The following ADGRB3 variants were observed in gnomAD, a reference collection of about 807,000 sequenced individuals.
ADGRB3 encodes the protein adhesion G protein-coupled receptor B3, also known as brain-specific angiogenesis inhibitor 3.
Under a neutral mutation model 193.4 loss-of-function variants are expected in ADGRB3, and 37 were observed. The observed-to-expected ratio is 0.19, with a 90% CI of 0.15 to 0.25. The LOEUF is 0.25. Among genes scored for constraint, ADGRB3 ranks in the 10% least tolerant of loss-of-function variants. The pLI is 1.00. For missense variants in ADGRB3, 1,637 were observed against 1,852.9 expected, an observed-to-expected ratio of 0.88 and a Z score of 2.14; for synonymous variants, 690 against 644.2, an observed-to-expected ratio of 1.07 and a Z score of -1.08.
chr6:68,668,010 C>A (rs986901187), intron 3 of ADGRB3, among the ~76,000 whole-genome samples: 5 of 151,818 alleles, frequency 3.3e-5, no homozygotes, highest in Admixed American at 3.3e-4. Flanking sequence ...GCCACATAAC[C>A]TTGTGAAACT....
intron 3 of ADGRB3, among the ~76,000 whole-genome samples, chr6:68,921,096 C>T (rs1000193468): frequency 2.0e-5 from 3 of 151,664 alleles, no homozygotes; most frequent in Non-Finnish European, 4.4e-5. Flanking sequence ...TAGGAAAAGG[C>T]AAAAAATAAA....
intron 3 of ADGRB3, among the ~76,000 whole-genome samples, chr6:68,854,827 C>A (rs1332963478): frequency 2.0e-5 from 3 of 152,206 alleles, no homozygotes; most frequent in African/African-American, 7.2e-5. Context: ...CACAGTCTAT[C>A]CACCTTGGAC....
At chr6:68,820,893 C>A (rs958577544) in intron 3 of ADGRB3, among the ~76,000 whole-genome samples, 1 of 151,970 alleles carries the variant, frequency 6.6e-6, no homozygotes, top group Non-Finnish European at 1.5e-5. Context: ...CTGGTCTAGA[C>A]AAAGAGACAG....
At chr6:68,864,980 G>A (rs778446242) in intron 3 of ADGRB3, among the ~76,000 whole-genome samples, 16 of 152,176 alleles carry the variant, frequency 1.1e-4, no homozygotes, top group South Asian at 2.1e-4. Flanking sequence ...TTAAATTCTC[G>A]TTGTTTTGAC....
chr6:68,889,570 T>G (rs145817007), intron 3 of ADGRB3, among the ~76,000 whole-genome samples: 2,526 of 151,586 alleles, frequency 0.017, 61 homozygotes, highest in African/African-American at 0.058. Context: ...TGGTGCAATC[T>G]CAGCTCACTG....
At chr6:68,950,884 G>A (rs1196503136) in intron 6 of ADGRB3, among the ~76,000 whole-genome samples, 1 of 152,074 alleles carries the variant, frequency 6.6e-6, no homozygotes, top group Non-Finnish European at 1.5e-5. Flanking sequence ...ACAATATTAG[G>A]TTTTAAAATG....
At chr6:69,242,356 A>C (rs892064422) in intron 20 of ADGRB3, among the ~76,000 whole-genome samples, 1 of 151,828 alleles carries the variant, frequency 6.6e-6, no homozygotes, top group Non-Finnish European at 1.5e-5. Flanking sequence ...TTCCCTGATA[A>C]GTTTTAATTG....
chr6:68,666,534 A>G (rs1768805403), intron 3 of ADGRB3, among the ~76,000 whole-genome samples: 2 of 151,824 alleles, frequency 1.3e-5, no homozygotes, highest in African/African-American at 4.8e-5. Flanking sequence ...TTGACACGCA[A>G]GTTAGTCATA....
intron 20 of ADGRB3, among the ~76,000 whole-genome samples, chr6:69,309,878 G>A (rs1017578805): frequency 6.6e-6 from 1 of 151,656 alleles, no homozygotes; most frequent in South Asian, 2.1e-4. Flanking sequence ...GGGGTGAGAA[G>A]AATAATTTTC....
At chr6:68,651,805 G>A (rs1768372617) in intron 3 of ADGRB3, among the ~76,000 whole-genome samples, 1 of 152,078 alleles carries the variant, frequency 6.6e-6, no homozygotes, top group African/African-American at 2.4e-5. Flanking sequence ...TATATTGGTA[G>A]GAGAGGCAAC....
chr6:68,740,087 A>G (rs1207556698), intron 3 of ADGRB3, among the ~76,000 whole-genome samples: 1 of 152,180 alleles, frequency 6.6e-6, no homozygotes, highest in Admixed American at 6.5e-5. Flanking sequence ...CAGTTATTTT[A>G]TACTTGATTA....
At chr6:68,722,418 G>A (rs1044555526) in intron 3 of ADGRB3, among the ~76,000 whole-genome samples, 3 of 151,622 alleles carry the variant, frequency 2.0e-5, no homozygotes, top group Admixed American at 1.3e-4. Context: ...CATGGCACGT[G>A]TACGTCTATG....
chr6:69,067,289 T>A (rs1182232374), intron 16 of ADGRB3, among the ~76,000 whole-genome samples: 1 of 152,160 alleles, frequency 6.6e-6, no homozygotes, highest in Non-Finnish European at 1.5e-5. Flanking sequence ...TTGTAGGTTT[T>A]GTTTTCTTTG....
chr6:69,255,840 A>G (rs1234447390), intron 20 of ADGRB3, among the ~76,000 whole-genome samples: 1 of 152,130 alleles, frequency 6.6e-6, no homozygotes, highest in East Asian at 1.9e-4. Flanking sequence ...TTTTAGGTCT[A>G]ATGTTTAAGT....
chr6:68,709,033 C>G (rs549348917), intron 3 of ADGRB3, among the ~76,000 whole-genome samples: 1 of 152,006 alleles, frequency 6.6e-6, no homozygotes, highest in Non-Finnish European at 1.5e-5. Context: ...GTTTAAAATG[C>G]GGGTTGTTCT....
chr6:68,964,406 G>A (rs1211910354), intron 8 of ADGRB3, among the ~76,000 whole-genome samples: 1 of 152,090 alleles, frequency 6.6e-6, no homozygotes, highest in African/African-American at 2.4e-5. Context: ...GTGGCTAGTG[G>A]TCTCCAGTCT....
At chr6:69,229,254 C>T (rs1415177218) in intron 17 of ADGRB3, among the ~76,000 whole-genome samples, 2 of 152,080 alleles carry the variant, frequency 1.3e-5, no homozygotes, top group African/African-American at 2.4e-5. Context: ...ACTAAAAATC[C>T]TTCTATATTA....
At chr6:68,712,521 TA>T (rs1765422773) in intron 3 of ADGRB3, among the ~76,000 whole-genome samples, 1 of 151,706 alleles carries the variant, frequency 6.6e-6, no homozygotes, top group Non-Finnish European at 1.5e-5. Context: ...GAAGGAGAAA[TA>T]ATGTATGAGT....
intron 3 of ADGRB3, among the ~76,000 whole-genome samples, chr6:68,881,366 C>T (rs1395374199): frequency 3.3e-5 from 5 of 152,050 alleles, no homozygotes; most frequent in Non-Finnish European, 1.5e-5. Flanking sequence ...TCAATATATG[C>T]CTTTTTTCCA....
Sources: allele counts gnomAD v4.1 joint callset (sites outside exome capture counted in the v4.1 genomes callset), GRCh38; gene constraint gnomAD v4.1.1; transcripts MANE v1.5; gene names NCBI Gene and HGNC (gene_info 2026-07-23, HGNC 2026-07-21).